The following SAMMSON variants were observed in gnomAD, a reference collection of about 807,000 sequenced individuals.
The protein encoded by SAMMSON is survival associated mitochondrial melanoma specific oncogenic non-coding RNA.
chr3:70,031,947 A>G (rs2067067813), intron 3 of SAMMSON, among the ~76,000 whole-genome samples: 1 of 152,218 alleles, frequency 6.6e-6, no homozygotes, highest in Non-Finnish European at 1.5e-5. Flanking sequence ...CTATGTAATA[A>G]TTTCAAGTTA....
At chr3:70,015,774 T>C (rs1365845037) in intron 3 of SAMMSON, among the ~76,000 whole-genome samples, 2 of 152,144 alleles carry the variant, frequency 1.3e-5, no homozygotes. Flanking sequence ...CCAAGTGTTC[T>C]CATTGTTCAA....
At chr3:70,129,902 A>G (rs2067475197) in intron 4 of SAMMSON, among the ~76,000 whole-genome samples, 1 of 152,214 alleles carries the variant, frequency 6.6e-6, no homozygotes, top group Non-Finnish European at 1.5e-5. Context: ...TAAGCTGTAC[A>G]ACATGATGTT....
chr3:70,398,788 A>G (rs1180665450), intron 2 of SAMMSON, among the ~76,000 whole-genome samples: 1 of 152,324 alleles, frequency 6.6e-6, no homozygotes, highest in South Asian at 2.1e-4. Context: ...ACACATAAAT[A>G]TAGATTTGTT....
At chr3:70,425,577 A>ATT (rs72059563) in intron 2 of SAMMSON, among the ~76,000 whole-genome samples, 24,658 of 150,130 alleles carry the variant, frequency 0.16, 2,470 homozygotes, top group Middle Eastern at 0.26. Flanking sequence ...ACGCCCAGCT[A>ATT]TTTTTTTTCT....
At chr3:70,295,950 T>A (rs1702285829) in intron 7 of SAMMSON, among the ~76,000 whole-genome samples, 1 of 152,174 alleles carries the variant, frequency 6.6e-6, no homozygotes, top group African/African-American at 2.4e-5. Flanking sequence ...AAATTATGTG[T>A]AGAAATAGAA....
At chr3:70,319,634 T>TCC (rs1702522204) in intron 7 of SAMMSON, among the ~76,000 whole-genome samples, 3 of 152,084 alleles carry the variant, frequency 2.0e-5, no homozygotes, top group African/African-American at 2.4e-5. Context: ...AGGATAGTAG[T>TCC]TTTTAATGTA....
intron 6 of SAMMSON, among the ~76,000 whole-genome samples, chr3:70,268,473 T>C (rs1457876248): frequency 9.8e-5 from 1 of 10,242 alleles, no homozygotes; most frequent in African/African-American, 5.8e-4. Context: ...AGACTCCGTC[T>C]CAAAAAAAAA....
chr3:70,126,453 A>G (rs2067459412), intron 4 of SAMMSON: 2 of 677,840 alleles, frequency 3.0e-6, no homozygotes, highest in Non-Finnish European at 5.4e-6. Flanking sequence ...TCATGCACCA[A>G]CCGTGCCTTG....
At chr3:70,057,747 T>TA (rs1276623684) in intron 3 of SAMMSON, among the ~76,000 whole-genome samples, 1 of 152,028 alleles carries the variant, frequency 6.6e-6, no homozygotes, top group Non-Finnish European at 1.5e-5. Flanking sequence ...CACTCATTCA[T>TA]ATACAGGTCA....
chr3:70,012,190 A>G (rs1295936291), intron 1 of SAMMSON, among the ~76,000 whole-genome samples: 1 of 152,120 alleles, frequency 6.6e-6, no homozygotes, highest in Non-Finnish European at 1.5e-5. Context: ...TGGGGAAGGT[A>G]AAATCTCTTT....
intron 2 of SAMMSON, among the ~76,000 whole-genome samples, chr3:70,414,119 T>C (rs921155536): frequency 1.3e-5 from 2 of 152,054 alleles, no homozygotes; most frequent in Non-Finnish European, 2.9e-5. Context: ...CCTCTGAAAA[T>C]CTCTAGTTTC....
intron 4 of SAMMSON, among the ~76,000 whole-genome samples, chr3:70,191,328 AT>A: frequency 6.6e-6 from 1 of 152,334 alleles, no homozygotes; most frequent in South Asian, 2.1e-4. Flanking sequence ...ATCAGAATGC[AT>A]TTTTTGAGCA....
At chr3:70,105,099 T>C (rs1430183274) in intron 4 of SAMMSON, among the ~76,000 whole-genome samples, 2 of 152,122 alleles carry the variant, frequency 1.3e-5, no homozygotes, top group Non-Finnish European at 2.9e-5. Flanking sequence ...TTTTTTTTTC[T>C]CCTTTCATAG....
intron 4 of SAMMSON, among the ~76,000 whole-genome samples, chr3:70,239,189 T>C (rs981989700): frequency 2.0e-5 from 3 of 152,220 alleles, no homozygotes; most frequent in Non-Finnish European, 4.4e-5. Flanking sequence ...GTATGTTATG[T>C]TGAGTACGTA....
intron 4 of SAMMSON, among the ~76,000 whole-genome samples, chr3:70,212,868 A>G (rs938208240): frequency 6.6e-6 from 1 of 151,852 alleles, no homozygotes. Flanking sequence ...ATCACAGTTC[A>G]CTGCAGCTTC....
chr3:70,076,570 C>G (rs1213840419), intron 4 of SAMMSON, among the ~76,000 whole-genome samples: 1 of 152,050 alleles, frequency 6.6e-6, no homozygotes, highest in Non-Finnish European at 1.5e-5. Context: ...CAGCCTGATT[C>G]CATTGGCAAG....
chr3:70,027,807 T>G (rs796552760), intron 3 of SAMMSON, among the ~76,000 whole-genome samples: 5 of 152,298 alleles, frequency 3.3e-5, no homozygotes, highest in African/African-American at 9.6e-5. Context: ...ATGATAAATT[T>G]CTTAAATGAT....
chr3:70,325,857 G>A, intron 7 of SAMMSON, among the ~76,000 whole-genome samples: 1 of 152,082 alleles, frequency 6.6e-6, no homozygotes, highest in East Asian at 1.9e-4. Context: ...TTGCCACCCA[G>A]CATAGCCTGG....
At chr3:70,336,132 G>A (rs554329945) in intron 7 of SAMMSON, among the ~76,000 whole-genome samples, 7 of 152,046 alleles carry the variant, frequency 4.6e-5, no homozygotes, top group African/African-American at 1.7e-4. Flanking sequence ...ACCCAGAAAA[G>A]TCTATGAGCT....
Sources: allele counts gnomAD v4.1 joint callset (sites outside exome capture counted in the v4.1 genomes callset), GRCh38; gene constraint gnomAD v4.1.1; transcripts MANE v1.5; gene names NCBI Gene and HGNC (gene_info 2026-07-23, HGNC 2026-07-21).